The following GRM7 variants were observed in gnomAD, a reference collection of about 807,000 sequenced individuals.
The protein encoded by GRM7 is glutamate metabotropic receptor 7.
A neutral mutation model predicts 84.5 loss-of-function variants in GRM7; 35 were observed. The ratio of observed to expected loss-of-function variants is 0.41; its 90% CI spans 0.32 to 0.55. The LOEUF (loss-of-function observed/expected upper bound fraction) is 0.55. Ranked by LOEUF, GRM7 falls within the 20% of genes least tolerant of loss-of-function variation. The pLI, the probability that GRM7 is intolerant of heterozygous loss-of-function variation, is 0.19. For missense variants in GRM7, 1,003 were observed against 1,194.6 expected (o/e 0.84, Z 2.36); for synonymous variants, 487 against 455.1 (o/e 1.07, Z -0.89).
chr3:7,479,712 C>T (rs556400682), intron 7 of GRM7, among the ~76,000 whole-genome samples: 66 of 152,310 alleles, frequency 4.3e-4, no homozygotes, highest in African/African-American at 1.5e-3. Context: ...TCCCATTTTA[C>T]AGATGAGAAA....
chr3:7,171,742 G>A (rs992915499), intron 2 of GRM7, among the ~76,000 whole-genome samples: 1 of 152,140 alleles, frequency 6.6e-6, no homozygotes, highest in African/African-American at 2.4e-5. Flanking sequence ...GAGACATAGA[G>A]GCGTGACTTG....
At chr3:7,350,864 G>A (rs1412872438) in intron 4 of GRM7, among the ~76,000 whole-genome samples, 1 of 152,068 alleles carries the variant, frequency 6.6e-6, no homozygotes, top group African/African-American at 2.4e-5. Context: ...TAAATCATAA[G>A]CAAGCTTTCT....
intron 1 of GRM7, among the ~76,000 whole-genome samples, chr3:6,978,211 A>G (rs550240965): frequency 2.0e-5 from 3 of 152,272 alleles, no homozygotes; most frequent in Non-Finnish European, 4.4e-5. Context: ...GGAGAAGGCT[A>G]TGTGTAGAGG....
intron 1 of GRM7, among the ~76,000 whole-genome samples, chr3:7,125,030 C>T (rs1020388941): frequency 6.6e-6 from 1 of 152,132 alleles, no homozygotes; most frequent in African/African-American, 2.4e-5. Flanking sequence ...ACCTCCGCCA[C>T]CTGGGTTCAA....
chr3:7,037,226 CTTGT>C lies in GRM7; in HGVS notation c.520-109221_520-109218del, dbSNP rs1696419051. ...CCATTAGCTTCATTTAGAAAAAAGA[CTTGT>C]TTGTCAGTTTGAAAGAAATACACAT... On this transcript the variant is annotated intron_variant, in intron 1 of 9. Coordinates refer to ENST00000357716, the MANE Select transcript of GRM7 (RefSeq NM_000844.4). 2.6e-5 allele frequency among the ~76,000 whole-genome samples: 4 copies of C among 152,230 alleles called. No homozygotes were observed. The South Asian group carries it at 6.2e-4, about 24-fold the overall frequency.
intron 1 of GRM7, among the ~76,000 whole-genome samples, chr3:7,020,636 AT>A (rs1382300697): frequency 6.6e-6 from 1 of 152,216 alleles, no homozygotes. Flanking sequence ...AATGAATGTA[AT>A]TGCAAAATCT....
chr3:7,277,278 A>G (rs1336030286), intron 2 of GRM7, among the ~76,000 whole-genome samples: 1 of 152,106 alleles, frequency 6.6e-6, no homozygotes, highest in African/African-American at 2.4e-5. Flanking sequence ...ATGAAAATAT[A>G]TAGACTAACG....
intron 7 of GRM7, among the ~76,000 whole-genome samples, chr3:7,470,294 G>A (rs1000365852): frequency 3.3e-5 from 5 of 152,108 alleles, no homozygotes; most frequent in Admixed American, 1.3e-4. Context: ...TGTCAATACC[G>A]TTAATATCCC....
intron 1 of GRM7, among the ~76,000 whole-genome samples, chr3:6,901,919 A>G (rs1696401160): frequency 2.0e-5 from 3 of 152,058 alleles, no homozygotes; most frequent in Admixed American, 2.0e-4. Context: ...CTCCTTGACT[A>G]TACATTTTTG....
At chr3:7,037,955 A>G (rs1168737128) in intron 1 of GRM7, among the ~76,000 whole-genome samples, 2 of 152,186 alleles carry the variant, frequency 1.3e-5, no homozygotes, top group Non-Finnish European at 2.9e-5. Flanking sequence ...TTCTATAATA[A>G]TTTAAATAGT....
intron 1 of GRM7, among the ~76,000 whole-genome samples, chr3:6,908,721 C>CT (rs1043302987): frequency 2.6e-5 from 4 of 152,060 alleles, no homozygotes; most frequent in Admixed American, 2.6e-4. Flanking sequence ...AAAGACCAGT[C>CT]TTTTTTGTTG....
intron 8 of GRM7, among the ~76,000 whole-genome samples, chr3:7,618,986 T>TA (rs2125086471): frequency 6.6e-6 from 1 of 152,202 alleles, no homozygotes; most frequent in African/African-American, 2.4e-5. Flanking sequence ...TTTCAGAAAA[T>TA]AGTTCTATCT....
At chr3:6,978,983 G>C (rs1398750489) in intron 1 of GRM7, among the ~76,000 whole-genome samples, 1 of 152,104 alleles carries the variant, frequency 6.6e-6, no homozygotes, top group African/African-American at 2.4e-5. Context: ...GGCTGGGAGA[G>C]TGTATACATG....
chr3:6,957,056 A>G (rs987870163), intron 1 of GRM7, among the ~76,000 whole-genome samples: 1 of 152,166 alleles, frequency 6.6e-6, no homozygotes, highest in African/African-American at 2.4e-5. Flanking sequence ...TAATTTTCCC[A>G]CTAGAATTTA....
chr3:6,883,689 T>C (rs996831415), intron 1 of GRM7, among the ~76,000 whole-genome samples: 4 of 152,196 alleles, frequency 2.6e-5, no homozygotes, highest in Admixed American at 2.6e-4. Context: ...ATTTTGTTAG[T>C]ATTAGCAAGA....
chr3:7,277,749 G>C (rs560037463), intron 2 of GRM7, among the ~76,000 whole-genome samples: 2 of 151,638 alleles, frequency 1.3e-5, no homozygotes, highest in South Asian at 4.2e-4. Flanking sequence ...TTTGGATTAC[G>C]GTATGTTAAA....
chr3:7,181,734 C>G lies in GRM7; in HGVS notation c.736+35066C>G, dbSNP rs544316344. Among the ~76,000 whole-genome samples the G allele has an allele frequency of 5.9e-5, 9 of 152,172 alleles. No individual in the cohort carries two copies. The East Asian group carries it at 1.7e-3, about 29-fold the overall frequency. On this transcript the variant is annotated intron_variant, in intron 2 of 9. Transcript: ENST00000357716. ...AGTCATCCTCTTGTCTCAGCCTCCC[C>G]AGTAGCTGGAACTACAGGCATGCAC... is the stretch of plus-strand genomic sequence containing the variant.
intron 1 of GRM7, chr3:6,956,460 C>A: frequency 2.3e-6 from 1 of 436,450 alleles, no homozygotes; most frequent in South Asian, 1.6e-5. Flanking sequence ...CAAACGCCGG[C>A]ACCATGTTTT....
chr3:7,638,895 C>T (rs781724797), intron 8 of GRM7, among the ~76,000 whole-genome samples: 3 of 152,154 alleles, frequency 2.0e-5, no homozygotes, highest in Admixed American at 6.5e-5. Context: ...GGCAGAATCT[C>T]CCAAATGCTT....
Sources: gnomAD v4.1 joint callset for allele counts (sites outside exome capture counted in the v4.1 genomes callset) on GRCh38, gnomAD v4.1.1 for gene constraint, MANE v1.5 for transcripts, NCBI Gene and HGNC (gene_info 2026-07-23, HGNC 2026-07-21) for gene names.